STAG1: variants seen among roughly 807,000 people sequenced by gnomAD.
STAG1 encodes the protein cohesin subunit SA-1.
STAG1 carries 26 observed loss-of-function variants against 170.9 expected under a neutral mutation model. That is an observed-to-expected ratio of 0.15 (90% CI 0.11 to 0.21). The LOEUF (loss-of-function observed/expected upper bound fraction) is 0.21, where lower values mean the gene tolerates loss of function less well. STAG1 is among the 10% of genes least tolerant of loss of function. The pLI is 1.00. For synonymous variants in STAG1, 514 were observed against 497.7 expected (o/e 1.03, Z -0.44); for missense variants, 964 against 1,509.5 (o/e 0.64, Z 5.99).
At chr3:136,550,601 C>T (rs943378937) in intron 5 of STAG1, among the ~76,000 whole-genome samples, 53 of 152,142 alleles carry the variant, frequency 3.5e-4, no homozygotes, top group Admixed American at 1.7e-3. Flanking sequence ...GCCACTGTGC[C>T]TGGCCCAGCT....
At chr3:136,737,162 C>T (rs1934388897) in intron 1 of STAG1, 2 of 768,038 alleles carry the variant, frequency 2.6e-6, no homozygotes, top group African/African-American at 1.7e-5. Context: ...TTTGTTTCAC[C>T]TCACTGTAGA....
chr3:136,732,128 T>C (rs1934075554), intron 1 of STAG1, among the ~76,000 whole-genome samples: 1 of 151,796 alleles, frequency 6.6e-6, no homozygotes, highest in Non-Finnish European at 1.5e-5. Context: ...AGACACACAG[T>C]TAGTGGCAGA....
intron 3 of STAG1, among the ~76,000 whole-genome samples, chr3:136,610,091 G>C (rs1939191889): frequency 6.6e-6 from 1 of 151,818 alleles, no homozygotes; most frequent in Non-Finnish European, 1.5e-5. Context: ...CTGGAGTACA[G>C]TGGTGCGATC....
At chr3:136,443,467 T>G (rs1179220728) in intron 14 of STAG1, 63 bp from the exon 15 acceptor site, 1 of 1,141,684 alleles carries the variant, frequency 8.8e-7, no homozygotes, top group African/African-American at 1.6e-5. Context: ...AATACTAATT[T>G]GAGTTAAGAA....
At chr3:136,525,269 C>A (rs1346553215) in intron 6 of STAG1, among the ~76,000 whole-genome samples, 1 of 152,188 alleles carries the variant, frequency 6.6e-6, no homozygotes, top group Non-Finnish European at 1.5e-5. Flanking sequence ...GTCTCAATTT[C>A]AGAACCTGTT....
At chr3:136,563,300 A>G (rs1213417806) in intron 5 of STAG1, among the ~76,000 whole-genome samples, 3 of 151,978 alleles carry the variant, frequency 2.0e-5, no homozygotes, top group Non-Finnish European at 4.4e-5. Flanking sequence ...GTAATTTTAC[A>G]CCTTTCAGTG....
chr3:136,737,711 A>G (rs762744977), intron 1 of STAG1, among the ~76,000 whole-genome samples: 2 of 152,266 alleles, frequency 1.3e-5, no homozygotes, highest in East Asian at 1.9e-4. Context: ...AAGGAGGCAG[A>G]TAAGTTCTCT....
rs536913122 is a variant in STAG1 at position 136,541,911 on chromosome 3, G to A, written c.471+208C>T. Among the ~76,000 whole-genome samples, 3 of 152,116 alleles carry A rather than the reference G, an allele frequency of 2.0e-5. No homozygotes were observed. In the East Asian group the frequency reaches 5.8e-4, roughly 29 times the overall value. ...CTCATATCACTAATTTTCTTAGCCT[G>A]CCAGTAATTATTCAATACTCCACAC... On this transcript the variant is annotated intron_variant, in intron 6 of 33. Transcript: ENST00000383202.
At chr3:136,691,974 A>G (rs1342561703) in intron 1 of STAG1, among the ~76,000 whole-genome samples, 1 of 152,306 alleles carries the variant, frequency 6.6e-6, no homozygotes, top group East Asian at 1.9e-4. Flanking sequence ...TGAAGCAAAT[A>G]GTTACTCACT....
At chr3:136,611,244 G>A (rs1939259654) in intron 3 of STAG1, among the ~76,000 whole-genome samples, 1 of 152,018 alleles carries the variant, frequency 6.6e-6, no homozygotes, top group Admixed American at 6.6e-5. Context: ...CCGCCTCCTG[G>A]GTTCGAGCGA....
intron 1 of STAG1, among the ~76,000 whole-genome samples, chr3:136,740,194 G>C (rs1055144017): frequency 6.6e-6 from 1 of 152,098 alleles, no homozygotes; most frequent in Non-Finnish European, 1.5e-5. Flanking sequence ...AGTGAGCCAA[G>C]ATCACACCAC....
chr3:136,633,962 T>TCAAAAAAAAAAAAA (rs1212800689), intron 1 of STAG1, among the ~76,000 whole-genome samples: 1 of 50,346 alleles, frequency 2.0e-5, no homozygotes, highest in Non-Finnish European at 4.2e-5. Flanking sequence ...TGTCTCTACT[T>TCAAAAAAAAAAAAA]AAAAAAAAAA....
chr3:136,528,174 C>T (rs942933274), intron 6 of STAG1, among the ~76,000 whole-genome samples: 3 of 152,174 alleles, frequency 2.0e-5, no homozygotes, highest in Admixed American at 1.3e-4. Flanking sequence ...CTATGCCCTG[C>T]CCCAGGGTGG....
intron 13 of STAG1, 125 bp from the exon 14 acceptor site, chr3:136,452,272 A>G: frequency 1.6e-6 from 1 of 638,030 alleles, no homozygotes; most frequent in Non-Finnish European, 2.8e-6. Flanking sequence ...GAGAACGAGC[A>G]TCAGAGATCA....
intron 23 of STAG1, among the ~76,000 whole-genome samples, chr3:136,377,386 C>CAAAAAAAAAAAAAAAAAAAG (rs1937662018): frequency 2.3e-5 from 1 of 42,582 alleles, no homozygotes; most frequent in Non-Finnish European, 3.6e-5. Context: ...GACTCTGTCT[C>CAAAAAAAAAAAAAAAAAAAG]AAAAAAAAAA....
At chr3:136,592,148 C>A (rs920940946) in intron 4 of STAG1, among the ~76,000 whole-genome samples, 2 of 152,120 alleles carry the variant, frequency 1.3e-5, no homozygotes, top group Non-Finnish European at 1.5e-5. Context: ...TGAACCCTCC[C>A]TTTATGTCTT....
At chr3:136,628,445 C>T (rs1228351917) in intron 2 of STAG1, among the ~76,000 whole-genome samples, 1 of 152,080 alleles carries the variant, frequency 6.6e-6, no homozygotes, top group Non-Finnish European at 1.5e-5. Context: ...TGTCACTCTC[C>T]ATCCCCAGTG....
At chr3:136,615,254 A>G (rs1331910350) in intron 3 of STAG1, among the ~76,000 whole-genome samples, 1 of 152,038 alleles carries the variant, frequency 6.6e-6, no homozygotes, top group East Asian at 1.9e-4. Flanking sequence ...TGAAAAAACA[A>G]GAGACAGATA....
chr3:136,418,629 T>C (rs1336964247), intron 20 of STAG1, among the ~76,000 whole-genome samples: 1 of 151,580 alleles, frequency 6.6e-6, no homozygotes, highest in Non-Finnish European at 1.5e-5. Context: ...AATCCCTTTA[T>C]TGTATATATA....
Sources: gnomAD v4.1 joint callset for allele counts (sites outside exome capture counted in the v4.1 genomes callset) on GRCh38, gnomAD v4.1.1 for gene constraint, MANE v1.5 for transcripts, NCBI Gene and HGNC (gene_info 2026-07-23, HGNC 2026-07-21) for gene names.